The following MTMR7 variants were observed in gnomAD, a reference collection of about 807,000 sequenced individuals.
MTMR7 encodes phosphatidylinositol-3-phosphate phosphatase MTMR7.
A neutral mutation model predicts 81.2 loss-of-function variants in MTMR7; 76 were observed. The ratio of observed to expected loss-of-function variants is 0.94; its 90% CI spans 0.78 to 1.13. MTMR7 has a LOEUF of 1.13. Ranked by LOEUF, MTMR7 falls within the 50% of genes most tolerant of loss-of-function variation. The probability of loss-of-function intolerance (pLI) is 0.00; values close to 1 mark genes in which losing one functional copy is unlikely to be tolerated. For missense variants in MTMR7, 1,044 were observed against 820.0 expected (o/e 1.27, Z -3.34); for synonymous variants, 372 against 289.8 (o/e 1.28, Z -2.88).
At chr8:17,386,209 C>A (rs1012771961) in intron 1 of MTMR7, among the ~76,000 whole-genome samples, 5 of 152,028 alleles carry the variant, frequency 3.3e-5, no homozygotes, top group Admixed American at 6.6e-5. Context: ...GACCCTGTCT[C>A]TACCAAAAAA....
At chr8:17,341,303 T>C in intron 6 of MTMR7, 60 bp downstream of exon 6, 1 of 1,600,696 alleles carries the variant, frequency 6.2e-7, no homozygotes, top group Non-Finnish European at 8.5e-7. Flanking sequence ...GGCTAGCCTT[T>C]GCCTGTCTCC....
chr8:17,409,458 G>A (rs931072987), intron 1 of MTMR7, among the ~76,000 whole-genome samples: 3 of 151,956 alleles, frequency 2.0e-5, no homozygotes, highest in Non-Finnish European at 2.9e-5. Flanking sequence ...AGCAAGACTC[G>A]GCCTCAAAAA....
intron 3 of MTMR7, among the ~76,000 whole-genome samples, 193 bp from the exon 4 acceptor site, chr8:17,361,467 T>TG (rs955855575): frequency 6.6e-6 from 1 of 152,192 alleles, no homozygotes; most frequent in African/African-American, 2.4e-5. Context: ...AAGATGACCT[T>TG]GGGGTACCTG....
chr8:17,309,614 T>C (rs987718539), intron 9 of MTMR7, among the ~76,000 whole-genome samples: 14 of 152,214 alleles, frequency 9.2e-5, no homozygotes, highest in African/African-American at 3.4e-4. Flanking sequence ...GCTTTACGTA[T>C]GATCTCTAAC....
At chr8:17,306,298 T>C (rs1157562785) in intron 10 of MTMR7, among the ~76,000 whole-genome samples, 1 of 152,146 alleles carries the variant, frequency 6.6e-6, no homozygotes, top group Middle Eastern at 3.2e-3. Flanking sequence ...TGTTGCACTT[T>C]ATGAGCGGGT....
chr8:17,320,353 C>A (rs1449201659), intron 7 of MTMR7, among the ~76,000 whole-genome samples: 1 of 152,070 alleles, frequency 6.6e-6, no homozygotes, highest in African/African-American at 2.4e-5. Flanking sequence ...TATTCCCTCA[C>A]ACACCCTGAG....
Position 17,304,483 on chromosome 8 carries a change from C to T in MTMR7, c.1389G>A (p.Leu463=). The change falls in exon 12 of 14, where the codon CTG becomes CTA. Residue 463 remains leucine (L), a synonymous_variant. Coordinates refer to ENST00000180173, the MANE Select transcript of MTMR7 (RefSeq NM_004686.5). The stretch of plus-strand genomic sequence containing the variant: ...TCAGGTAGTCGGCCCGATTCTTCCA[C>T]AGGTGAGCCCATAATGAGTATGTTC... ...QERTYSLWAH[L]WKNRADYLNP... The T allele has an allele frequency of 6.2e-7, 1 of 1,614,006 alleles. No homozygotes were observed. The highest frequency in any genetic ancestry group is 8.5e-7 in the Non-Finnish European group (1 of 1,179,930).
At chr8:17,398,586 G>C (rs1249136782) in intron 1 of MTMR7, among the ~76,000 whole-genome samples, 7 of 152,092 alleles carry the variant, frequency 4.6e-5, no homozygotes, top group South Asian at 2.1e-4. Flanking sequence ...AAATCTAAGA[G>C]TTACTGGCCT....
chr8:17,350,346 G>T (rs1464006400), intron 4 of MTMR7, among the ~76,000 whole-genome samples: 1 of 152,202 alleles, frequency 6.6e-6, no homozygotes, highest in African/African-American at 2.4e-5. Context: ...CACATGGCTG[G>T]GAGGCCTCAT....
At chr8:17,345,628 T>C (rs1342705353) in intron 5 of MTMR7, among the ~76,000 whole-genome samples, 1 of 152,236 alleles carries the variant, frequency 6.6e-6, no homozygotes, top group Non-Finnish European at 1.5e-5. Context: ...TTACATCCAT[T>C]AAAAGTAATG....
At chr8:17,404,928 T>C (rs915114086) in intron 1 of MTMR7, among the ~76,000 whole-genome samples, 2 of 152,292 alleles carry the variant, frequency 1.3e-5, no homozygotes, top group African/African-American at 4.8e-5. Flanking sequence ...GAGGTTTAAG[T>C]GATTCTCCTG....
chr8:17,314,342 T>G (rs1817949389), intron 7 of MTMR7, among the ~76,000 whole-genome samples: 1 of 152,156 alleles, frequency 6.6e-6, no homozygotes, highest in Non-Finnish European at 1.5e-5. Context: ...GAGCCCATTT[T>G]TCTACCCCCA....
intron 1 of MTMR7, among the ~76,000 whole-genome samples, chr8:17,401,668 G>C (rs1326994368): frequency 6.6e-6 from 1 of 152,074 alleles, no homozygotes; most frequent in Non-Finnish European, 1.5e-5. Flanking sequence ...AGAGTGCTGA[G>C]GATTTACTAT....
chr8:17,375,673 G>A (rs1226701182), intron 1 of MTMR7, among the ~76,000 whole-genome samples: 1 of 152,088 alleles, frequency 6.6e-6, no homozygotes, highest in African/African-American at 2.4e-5. Context: ...AAGGCCCAAT[G>A]AGTTTTTATA....
intron 4 of MTMR7, among the ~76,000 whole-genome samples, chr8:17,352,862 T>C (rs1819769376): frequency 6.6e-6 from 1 of 152,190 alleles, no homozygotes; most frequent in African/African-American, 2.4e-5. Context: ...TATAAAATTA[T>C]GTAACCACTA....
intron 5 of MTMR7, among the ~76,000 whole-genome samples, chr8:17,343,191 C>A (rs567206291): frequency 1.3e-5 from 2 of 152,098 alleles, no homozygotes; most frequent in African/African-American, 4.8e-5. Flanking sequence ...CTTTGGGAGG[C>A]CGAGGCGGGG....
intron 12 of MTMR7, 89 bp from the exon 13 acceptor site, chr8:17,302,369 C>T: frequency 5.1e-6 from 7 of 1,371,514 alleles, no homozygotes; most frequent in Non-Finnish European, 6.9e-6. Flanking sequence ...TATGATACCA[C>T]AGTCTTAATA....
intron 1 of MTMR7, among the ~76,000 whole-genome samples, chr8:17,385,365 G>C (rs1820900252): frequency 6.6e-6 from 1 of 152,158 alleles, no homozygotes; most frequent in Admixed American, 6.5e-5. Flanking sequence ...CCGTGGGAGG[G>C]ACCTGGTGGG....
chr8:17,350,693 C>A (rs1180179200), intron 4 of MTMR7, among the ~76,000 whole-genome samples: 4 of 152,166 alleles, frequency 2.6e-5, no homozygotes, highest in Non-Finnish European at 5.9e-5. Flanking sequence ...GGGTTGAAAA[C>A]CCACAACTGA....
Sources: allele counts gnomAD v4.1 joint callset (sites outside exome capture counted in the v4.1 genomes callset), GRCh38; gene constraint gnomAD v4.1.1; transcripts MANE v1.5; gene names NCBI Gene and HGNC (gene_info 2026-07-23, HGNC 2026-07-21).